The following DAB1 variants were observed in gnomAD, a reference collection of about 807,000 sequenced individuals.
DAB1 encodes disabled homolog 1.
Under a neutral mutation model 64.6 loss-of-function variants are expected in DAB1, and 15 were observed. The observed-to-expected ratio is 0.23, with a 90% CI of 0.16 to 0.36. The LOEUF is 0.36. Among genes scored for constraint, DAB1 ranks in the 10% least tolerant of loss-of-function variants. The pLI is 1.00. For missense variants in DAB1, 596 were observed against 706.7 expected (o/e 0.84, Z 1.78); for synonymous variants, 235 against 251.9 (o/e 0.93, Z 0.64).
At chr1:57,700,955 G>A (rs1646899994) in intron 6 of DAB1, among the ~76,000 whole-genome samples, 1 of 152,074 alleles carries the variant, frequency 6.6e-6, no homozygotes, top group East Asian at 1.9e-4. Flanking sequence ...AGGAAAAAAT[G>A]CTCACCATCA....
intron 7 of DAB1, among the ~76,000 whole-genome samples, chr1:57,522,910 A>C (rs1644546153): frequency 6.6e-6 from 1 of 152,176 alleles, no homozygotes; most frequent in African/African-American, 2.4e-5. Flanking sequence ...TCAGACTCCA[A>C]GTTCTTCGGC....
intron 3 of DAB1, among the ~76,000 whole-genome samples, chr1:58,380,748 T>A (rs1257138269): frequency 2.0e-5 from 3 of 152,190 alleles, no homozygotes; most frequent in Non-Finnish European, 2.9e-5. Context: ...GAAGCCAGAA[T>A]AAGCTCAGTA....
intron 7 of DAB1, among the ~76,000 whole-genome samples, chr1:57,483,753 C>G (rs374147955): frequency 6.6e-6 from 1 of 152,072 alleles, no homozygotes; most frequent in Non-Finnish European, 1.5e-5. Context: ...GACTCCACTT[C>G]CAGGGAATGA....
At chr1:57,556,884 T>C (rs1644995377) in intron 7 of DAB1, among the ~76,000 whole-genome samples, 2 of 152,226 alleles carry the variant, frequency 1.3e-5, no homozygotes, top group African/African-American at 4.8e-5. Context: ...TCCAACGTTA[T>C]CTTCTAGAAT....
At chr1:58,027,856 G>C (rs1646916568) in intron 5 of DAB1, among the ~76,000 whole-genome samples, 1 of 152,108 alleles carries the variant, frequency 6.6e-6, no homozygotes, top group African/African-American at 2.4e-5. Flanking sequence ...ATGAAACCTA[G>C]AAATAAGGAG....
At chr1:57,746,949 T>C (rs1454587360) in intron 6 of DAB1, among the ~76,000 whole-genome samples, 1 of 152,124 alleles carries the variant, frequency 6.6e-6, no homozygotes, top group East Asian at 1.9e-4. Context: ...ATGATGAAAA[T>C]ATTTTCAAGT....
chr1:57,606,647 T>C (rs1366000816), intron 7 of DAB1, among the ~76,000 whole-genome samples: 8 of 115,382 alleles, frequency 6.9e-5, no homozygotes, highest in Non-Finnish European at 9.9e-5. Flanking sequence ...ATATGAAATA[T>C]ATATTATGTA....
chr1:57,011,299 C>T (rs200097987), intron 12 of DAB1, 27 bp from the exon 13 acceptor site: 22 of 1,607,220 alleles, frequency 1.4e-5, no homozygotes, highest in Non-Finnish European at 1.8e-5. Context: ...GAAAAAGAGA[C>T]ATCTTAAGTG....
At chr1:58,337,229 C>T (rs1663139210) in intron 4 of DAB1, among the ~76,000 whole-genome samples, 1 of 147,302 alleles carries the variant, frequency 6.8e-6, no homozygotes, top group Non-Finnish European at 1.5e-5. Flanking sequence ...TTGCAATGAG[C>T]AGAGATCATG....
chr1:57,269,853 G>A (rs1670861116), intron 2 of DAB1, among the ~76,000 whole-genome samples: 1 of 152,176 alleles, frequency 6.6e-6, no homozygotes, highest in South Asian at 2.1e-4. Context: ...ATGTATGGCA[G>A]GAGGTAGCAG....
At chr1:57,173,114 A>G (rs914806668) in intron 2 of DAB1, among the ~76,000 whole-genome samples, 3 of 152,166 alleles carry the variant, frequency 2.0e-5, no homozygotes, top group Non-Finnish European at 4.4e-5. Context: ...AGGTATAGTG[A>G]TCAGAGGTGC....
chr1:58,526,002 GA>G (rs1221342107), intron 2 of DAB1, among the ~76,000 whole-genome samples: 8 of 151,630 alleles, frequency 5.3e-5, no homozygotes, highest in East Asian at 1.9e-4. Flanking sequence ...ATCCATAGGG[GA>G]AAAAAAAGAT....
At chr1:58,484,082 G>A (rs113789020) in intron 3 of DAB1, among the ~76,000 whole-genome samples, 10 of 152,160 alleles carry the variant, frequency 6.6e-5, no homozygotes, top group African/African-American at 2.2e-4. Flanking sequence ...CCTTAAATTC[G>A]CTTATTCAGT....
intron 4 of DAB1, among the ~76,000 whole-genome samples, chr1:57,130,070 G>A (rs1171579528): frequency 1.3e-5 from 2 of 151,676 alleles, no homozygotes; most frequent in Admixed American, 6.6e-5. Context: ...GGGAGTGTGA[G>A]TCAACTCAGT....
intron 4 of DAB1, among the ~76,000 whole-genome samples, chr1:57,105,813 C>G (rs1228231635): frequency 6.6e-6 from 1 of 152,082 alleles, no homozygotes; most frequent in East Asian, 1.9e-4. Context: ...TTTTCATGTT[C>G]TAATTTTATG....
chr1:58,046,955 G>T (rs779618666), intron 5 of DAB1, among the ~76,000 whole-genome samples: 52 of 152,294 alleles, frequency 3.4e-4, no homozygotes, highest in Admixed American at 9.1e-4. Flanking sequence ...CTTACTGGTT[G>T]TGTGACCTTG....
intron 3 of DAB1, among the ~76,000 whole-genome samples, chr1:58,471,364 G>T (rs999546407): frequency 3.9e-5 from 6 of 152,162 alleles, no homozygotes; most frequent in Non-Finnish European, 7.4e-5. Flanking sequence ...ACTTGACTTT[G>T]TTCTCTTTCT....
In DAB1 at chr1:58,410,004, C is replaced by T. The variant is rs1300031014; in HGVS notation, n.258-66601G>A. Among the ~76,000 whole-genome samples, 7 of 152,336 alleles carry T rather than the reference C, an allele frequency of 4.6e-5. No homozygotes were observed. In the East Asian group the frequency reaches 1.4e-3, roughly 29 times the overall value. Reference sequence around the variant, plus strand: ...GAACCTGTACTTCCCCACACACCACCTCCATCCCCACCACCCTCCCACAAA... The same window carrying T: ...GAACCTGTACTTCCCCACACACCACTTCCATCCCCACCACCCTCCCACAAA... On this transcript the variant is annotated intron_variant and non_coding_transcript_variant, in intron 3 of 20. Transcript: ENST00000485760.
chr1:58,382,841 A>G (rs1015494356), intron 3 of DAB1, among the ~76,000 whole-genome samples: 3 of 152,176 alleles, frequency 2.0e-5, no homozygotes, highest in Non-Finnish European at 4.4e-5. Context: ...TAGAAATGAC[A>G]CAGAGATGAG....
Sources: gnomAD v4.1 joint callset for allele counts (sites outside exome capture counted in the v4.1 genomes callset) on GRCh38, gnomAD v4.1.1 for gene constraint, MANE v1.5 for transcripts, NCBI Gene and HGNC (gene_info 2026-07-23, HGNC 2026-07-21) for gene names.